TSKS: variants seen among roughly 807,000 people sequenced by gnomAD.
TSKS encodes the protein testis specific serine kinase substrate.
In TSKS, 27 loss-of-function variants were observed where a neutral mutation model predicts 68.0. The ratio of observed to expected loss-of-function variants is 0.40; its 90% CI spans 0.29 to 0.55. The LOEUF (loss-of-function observed/expected upper bound fraction) is 0.55. Ranked by LOEUF, TSKS falls within the 20% of genes least tolerant of loss-of-function variation. TSKS has a pLI of 0.53. For synonymous variants in TSKS, 331 were observed against 340.4 expected, an observed-to-expected ratio of 0.97 and a Z score of 0.30; for missense variants, 806 against 776.0, an observed-to-expected ratio of 1.04 and a Z score of -0.46.
intron 2 of TSKS, among the ~76,000 whole-genome samples, chr19:49,751,095 G>A (rs2123616285): frequency 6.6e-6 from 1 of 152,070 alleles, no homozygotes; most frequent in South Asian, 2.1e-4. Flanking sequence ...CTTGAGGTCA[G>A]GAGTTCGAGA....
intron 4 of TSKS, 137 bp from the exon 5 acceptor site, chr19:49,747,609 G>C: frequency 1.2e-6 from 1 of 837,198 alleles, no homozygotes; most frequent in Non-Finnish European, 1.9e-6. Flanking sequence ...TCATTTCCTT[G>C]GCTAAGGGGA....
intron 2 of TSKS, among the ~76,000 whole-genome samples, chr19:49,761,007 G>T (rs993472584): frequency 2.8e-4 from 42 of 151,962 alleles, no homozygotes; most frequent in Non-Finnish European, 5.6e-4. Flanking sequence ...AGAATGGCTT[G>T]AACCCGGCCG....
At chr19:49,756,244 G>A (rs891779349) in intron 2 of TSKS, among the ~76,000 whole-genome samples, 2 of 151,992 alleles carry the variant, frequency 1.3e-5, no homozygotes, top group African/African-American at 2.4e-5. Flanking sequence ...GATCACCTGA[G>A]GCCAGAAATT....
chr19:49,754,555 C>G (rs890034930), intron 2 of TSKS, among the ~76,000 whole-genome samples: 1 of 151,412 alleles, frequency 6.6e-6, no homozygotes, highest in Non-Finnish European at 1.5e-5. Context: ...ATAAGGCATG[C>G]AAAGAAAAAA....
intron 2 of TSKS, among the ~76,000 whole-genome samples, chr19:49,758,137 C>G (rs903809779): frequency 6.6e-6 from 1 of 151,558 alleles, no homozygotes; most frequent in South Asian, 2.1e-4. Flanking sequence ...TCTCTGTCCC[C>G]CTCTCCCTGG....
chr19:49,760,397 T>G (rs2084430563), intron 2 of TSKS, among the ~76,000 whole-genome samples: 1 of 151,246 alleles, frequency 6.6e-6, no homozygotes, highest in Non-Finnish European at 1.5e-5. Flanking sequence ...CTCGGCTCAC[T>G]GCAACCTCCG....
intron 4 of TSKS, 34 bp from the exon 5 acceptor site, chr19:49,747,506 C>G (rs1279654090): frequency 1.2e-6 from 2 of 1,609,004 alleles, no homozygotes; most frequent in Non-Finnish European, 1.7e-6. Context: ...GCCCTGCCTT[C>G]CCATTCCAGT....
intron 2 of TSKS, among the ~76,000 whole-genome samples, chr19:49,749,294 G>T (rs970096415): frequency 6.6e-5 from 10 of 152,158 alleles, no homozygotes; most frequent in African/African-American, 2.4e-4. Flanking sequence ...GATATCCCTT[G>T]TCTTCCCAAG....
intron 5 of TSKS, 198 bp from the exon 6 acceptor site, chr19:49,746,996 C>T: frequency 8.3e-7 from 1 of 1,206,282 alleles, no homozygotes; most frequent in South Asian, 1.6e-5. Flanking sequence ...TTCCCGCTAA[C>T]CTCCCACAGC....
At chr19:49,747,161 G>A (rs1273222175) in intron 5 of TSKS, 1 of 1,536,254 alleles carries the variant, frequency 6.5e-7, no homozygotes, top group Non-Finnish European at 8.7e-7. Flanking sequence ...AGTCCAGCTC[G>A]ATTCTCTTTC....
intron 2 of TSKS, among the ~76,000 whole-genome samples, chr19:49,758,059 T>C (rs2084407279): frequency 6.6e-6 from 1 of 151,082 alleles, no homozygotes; most frequent in African/African-American, 2.4e-5. Flanking sequence ...TGTCTCTGGG[T>C]CTCTGTCCTC....
chr19:49,746,550 T>G lies in TSKS; in HGVS notation c.912A>C (p.Gly304=). The G allele has an allele frequency of 6.2e-7, 1 of 1,613,524 alleles. No homozygotes were observed. Among genetic ancestry groups the G allele is most frequent in the Non-Finnish European group, 8.5e-7 (1 of 1,179,870 alleles). Residue 304 remains glycine (G), a synonymous_variant, in exon 6 of 11, where the codon GGA becomes GGC. Coordinates refer to ENST00000246801, the MANE Select transcript of TSKS (RefSeq NM_021733.2). ...RPHGLVPAGW[G]MGPRAGEGPY... ...GGCCCTCGCCAGCCCGAGGCCCCAT[T>G]CCCCAGCCTGCGGGGACCAGGCCGT...
chr19:49,759,647 CAA>C (rs58074826), intron 2 of TSKS, among the ~76,000 whole-genome samples: 8 of 112,638 alleles, frequency 7.1e-5, no homozygotes, highest in Admixed American at 1.9e-4. Flanking sequence ...GACCCAGTCT[CAA>C]AAAAAAAAAA....
intron 4 of TSKS, 85 bp downstream of exon 4, chr19:49,748,000 C>T: frequency 1.5e-6 from 2 of 1,317,686 alleles, no homozygotes; most frequent in Non-Finnish European, 1.1e-6. Context: ...TGAGCCACTG[C>T]ACCCAGCCTC....
chr19:49,760,637 AT>A (rs59855631), intron 2 of TSKS, among the ~76,000 whole-genome samples: 2 of 151,530 alleles, frequency 1.3e-5, no homozygotes, highest in East Asian at 1.9e-4. Flanking sequence ...CCTACAAAAA[AT>A]TTTTTTTTAA....
intron 6 of TSKS, 101 bp downstream of exon 6, chr19:49,746,369 A>G (rs2084299782): frequency 7.3e-7 from 1 of 1,373,580 alleles, no homozygotes; most frequent in Admixed American, 2.1e-5. Context: ...CTACTTGAGA[A>G]CCCCCGTCCC....
At chr19:49,739,960 G>T (rs1468549126) in intron 10 of TSKS, 28 bp from the exon 11 acceptor site, 1 of 1,607,994 alleles carries the variant, frequency 6.2e-7, no homozygotes, top group African/African-American at 1.3e-5. Context: ...GGAGTTGATG[G>T]CGGCATGGCT....
At position 49,744,319 on chromosome 19, in the gene TSKS, C is replaced by T. The variant is rs2084278079; in HGVS notation, c.1273G>A (p.Gly425Arg). ...CTTCGAGAGTTCTGAAATTGCCGCC[C>T]GAACTCCTCCAGAATGGGTTTCAGT... ...GPLKPILEEF[G>R]RQFQNSRRGP... Residue 425 changes from glycine to arginine, a missense_variant, in exon 8 of 11, where the codon GGG becomes AGG. Coordinates refer to ENST00000246801, the MANE Select transcript of TSKS (RefSeq NM_021733.2). The T allele has an allele frequency of 5.0e-6, 8 of 1,613,920 alleles. No individual in the cohort carries two copies. The highest frequency in any genetic ancestry group is 5.9e-6 in the Non-Finnish European group (7 of 1,180,034).
Position 49,739,881 on chromosome 19 carries a change from G to C in TSKS, c.1674C>G (p.His558Gln). The C allele has an allele frequency of 6.2e-7, 1 of 1,614,090 alleles. No homozygotes were observed. The highest frequency in any genetic ancestry group is 8.5e-7 in the Non-Finnish European group (1 of 1,179,994). ...CAAGTGGCAGGTTGCTGAGATGATC[G>C]TGGAGGGAGCACATCTTCAAGTGTA... ...DHLHLKMCSL[H>Q]DHLSNLPLEG... The change falls in exon 11 of 11, where the codon CAC (histidine) becomes CAG (glutamine). Residue 558 changes from histidine to glutamine, a missense_variant. Physicochemically the swap from His to Gln is conservative, Grantham distance 24 (BLOSUM62 0). Coordinates refer to ENST00000246801, the MANE Select transcript of TSKS (RefSeq NM_021733.2).
Sources: gnomAD v4.1 joint callset for allele counts (sites outside exome capture counted in the v4.1 genomes callset) on GRCh38, gnomAD v4.1.1 for gene constraint, MANE v1.5 for transcripts, NCBI Gene and HGNC (gene_info 2026-07-23, HGNC 2026-07-21) for gene names.